Variants in IGF2BP3 observed in about 807,000 individuals in gnomAD.
IGF2BP3 encodes insulin like growth factor 2 mRNA binding protein 3.
A neutral mutation model predicts 73.8 loss-of-function variants in IGF2BP3; 9 were observed. That is an observed-to-expected ratio of 0.12 (90% CI 0.07 to 0.21). IGF2BP3 has a LOEUF of 0.21. Ranked by LOEUF, IGF2BP3 falls within the 10% of genes least tolerant of loss-of-function variation. The pLI is 1.00. For synonymous variants in IGF2BP3, 258 were observed against 256.7 expected, an observed-to-expected ratio of 1.01 and a Z score of -0.05; for missense variants, 542 against 714.0, an observed-to-expected ratio of 0.76 and a Z score of 2.75.
At chr7:23,367,017 G>C (rs1450691048) in intron 3 of IGF2BP3, among the ~76,000 whole-genome samples, 2 of 131,736 alleles carry the variant, frequency 1.5e-5, no homozygotes, top group African/African-American at 3.1e-5. Context: ...TTTAAAGACA[G>C]AGTCTTACTG....
At chr7:23,425,874 G>C (rs1787493866) in intron 2 of IGF2BP3, among the ~76,000 whole-genome samples, 1 of 152,046 alleles carries the variant, frequency 6.6e-6, no homozygotes, top group African/African-American at 2.4e-5. Context: ...TGAGGCAGGA[G>C]GATCAACTGA....
chr7:23,392,805 C>CT (rs1224951702), intron 3 of IGF2BP3, among the ~76,000 whole-genome samples: 2 of 151,912 alleles, frequency 1.3e-5, no homozygotes, highest in Admixed American at 6.6e-5. Flanking sequence ...AATTATTGTA[C>CT]TTTTTTTAAG....
At chr7:23,390,711 G>T (rs1444862084) in intron 3 of IGF2BP3, among the ~76,000 whole-genome samples, 1 of 151,912 alleles carries the variant, frequency 6.6e-6, no homozygotes, top group African/African-American at 2.4e-5. Context: ...GGAATGCCAA[G>T]ACCACAACTG....
At chr7:23,373,853 T>C (rs969259171) in intron 3 of IGF2BP3, among the ~76,000 whole-genome samples, 1 of 152,202 alleles carries the variant, frequency 6.6e-6, no homozygotes, top group Non-Finnish European at 1.5e-5. Flanking sequence ...AAGTGATTTA[T>C]TGCTCTGTGA....
In IGF2BP3 at chr7:23,327,616, AAC is replaced by A. The variant is rs1784338027; in HGVS notation, c.1204-8364_1204-8363del. Among the ~76,000 whole-genome samples, 5 of 152,274 alleles carry A rather than the reference AAC, an allele frequency of 3.3e-5. No homozygotes were observed. The East Asian group carries it at 7.7e-4, about 24-fold the overall frequency. On this transcript the variant is annotated intron_variant, in intron 10 of 14. Transcript: ENST00000258729. ...AAAAAGTCTCAAACAACCGCAGAGC[AAC>A]AGTTTTGCTTTCAAAAATCTCAGGA...
chr7:23,464,847 T>C (rs573119599), intron 2 of IGF2BP3, among the ~76,000 whole-genome samples: 5 of 152,204 alleles, frequency 3.3e-5, no homozygotes, highest in African/African-American at 1.2e-4. Flanking sequence ...TTCCTACACA[T>C]AATCCTAAAC....
At chr7:23,337,893 T>C (rs955500614) in intron 10 of IGF2BP3, among the ~76,000 whole-genome samples, 3 of 152,190 alleles carry the variant, frequency 2.0e-5, no homozygotes, top group Non-Finnish European at 4.4e-5. Flanking sequence ...TGAGCAGTTA[T>C]CCTGGGCCAG....
At chr7:23,352,454 A>G (rs952606767) in intron 5 of IGF2BP3, among the ~76,000 whole-genome samples, 3 of 151,856 alleles carry the variant, frequency 2.0e-5, no homozygotes, top group Non-Finnish European at 4.4e-5. Context: ...ATGCTTGGCT[A>G]ATTTTTGTAT....
chr7:23,417,874 C>T (rs1408598332), intron 3 of IGF2BP3, among the ~76,000 whole-genome samples: 1 of 152,132 alleles, frequency 6.6e-6, no homozygotes, highest in Non-Finnish European at 1.5e-5. Flanking sequence ...TCAGCATATA[C>T]CAAAAACCAA....
intron 3 of IGF2BP3, among the ~76,000 whole-genome samples, chr7:23,379,140 G>C (rs1179720813): frequency 6.6e-6 from 1 of 152,164 alleles, no homozygotes; most frequent in African/African-American, 2.4e-5. Context: ...TTGAACAATG[G>C]GTGGACAAAT....
At chr7:23,448,765 G>A (rs1415246156) in intron 2 of IGF2BP3, among the ~76,000 whole-genome samples, 1 of 152,050 alleles carries the variant, frequency 6.6e-6, no homozygotes, top group African/African-American at 2.4e-5. Context: ...TGAGGAGCTG[G>A]GACCACAGGC....
At chr7:23,326,378 C>T (rs1206216298) in intron 10 of IGF2BP3, among the ~76,000 whole-genome samples, 2 of 152,292 alleles carry the variant, frequency 1.3e-5, no homozygotes, top group South Asian at 2.1e-4. Context: ...TACCATCTCA[C>T]ACCAGCTAGA....
At chr7:23,377,323 T>G (rs373302857) in intron 3 of IGF2BP3, among the ~76,000 whole-genome samples, 3 of 152,132 alleles carry the variant, frequency 2.0e-5, no homozygotes, top group Admixed American at 6.6e-5. Context: ...AGGAAGTGAA[T>G]AGACATTTCC....
At chr7:23,422,873 G>A (rs1213355839) in intron 2 of IGF2BP3, among the ~76,000 whole-genome samples, 4 of 152,166 alleles carry the variant, frequency 2.6e-5, no homozygotes, top group Non-Finnish European at 4.4e-5. Flanking sequence ...TCGGCTCACT[G>A]CAACCTCTGC....
chr7:23,441,239 C>T (rs1248120239), intron 2 of IGF2BP3, among the ~76,000 whole-genome samples: 1 of 152,032 alleles, frequency 6.6e-6, no homozygotes. Flanking sequence ...CAAGACCAGC[C>T]TGGGCAATAT....
At chr7:23,387,024 G>A (rs945969012) in intron 3 of IGF2BP3, among the ~76,000 whole-genome samples, 13 of 150,022 alleles carry the variant, frequency 8.7e-5, no homozygotes, top group African/African-American at 3.0e-4. Flanking sequence ...CAGAGATCAC[G>A]TCACTGCACT....
chr7:23,415,563 T>TGTC (rs1322835697), intron 3 of IGF2BP3: 1 of 266,470 alleles, frequency 3.8e-6, no homozygotes, highest in Non-Finnish European at 7.3e-6. Flanking sequence ...CGCAGGTCCC[T>TGTC]GTCTGTCAGC....
Position 23,319,233 on chromosome 7 carries a change from G to A in IGF2BP3, c.1225C>T (p.His409Tyr), listed in dbSNP as rs1419645758. 2 of 1,611,542 alleles carry A rather than the reference G, an allele frequency of 1.2e-6. No individual in the cohort carries two copies. Among genetic ancestry groups the A allele is most frequent in the South Asian group, 2.2e-5 (2 of 90,720 alleles). Residue 409 changes from histidine to tyrosine, a missense_variant, in exon 11 of 15, where the codon CAT becomes TAT. Physicochemically the swap from His to Tyr is moderately conservative, Grantham distance 83. Coordinates refer to ENST00000258729, the MANE Select transcript of IGF2BP3 (RefSeq NM_006547.3). Reference sequence around the variant, plus strand: ...ACTGATAGAGCTGGGATAAACAGATGAACAGTCTCCGTTTCTGATTGCTGT... The same window carrying A: ...ACTGATAGAGCTGGGATAAACAGATAAACAGTCTCCGTTTCTGATTGCTGT... ...QFEQSETETV[H>Y]LFIPALSVGA...
At chr7:23,386,267 G>C (rs957505046) in intron 3 of IGF2BP3, among the ~76,000 whole-genome samples, 3 of 152,214 alleles carry the variant, frequency 2.0e-5, no homozygotes, top group Non-Finnish European at 4.4e-5. Flanking sequence ...GGGAGGCCAA[G>C]GCAGATGGAG....
Sources: allele counts gnomAD v4.1 joint callset (sites outside exome capture counted in the v4.1 genomes callset), GRCh38; gene constraint gnomAD v4.1.1; transcripts MANE v1.5; gene names NCBI Gene and HGNC (gene_info 2026-07-23, HGNC 2026-07-21).